Variants in MAP6 observed in about 807,000 individuals in gnomAD.
MAP6 encodes the protein microtubule associated protein 6, also known as microtubule-associated protein 6.
In MAP6, 26 loss-of-function variants were observed where a neutral mutation model predicts 42.4. The observed-to-expected ratio is 0.61, with a 90% CI of 0.45 to 0.85. The LOEUF (loss-of-function observed/expected upper bound fraction) is 0.85, where lower values mean the gene tolerates loss of function less well. Among genes scored for constraint, MAP6 ranks in the 40% least tolerant of loss-of-function variants. The probability of loss-of-function intolerance (pLI) is 0.00; values close to 1 mark genes in which losing one functional copy is unlikely to be tolerated. For missense variants in MAP6, 966 were observed against 1,099.0 expected (o/e 0.88, Z 1.71); for synonymous variants, 418 against 443.8 (o/e 0.94, Z 0.73).
intron 1 of MAP6, among the ~76,000 whole-genome samples, chr11:75,665,165 G>A (rs1024834023): frequency 6.6e-6 from 1 of 152,108 alleles, no homozygotes; most frequent in African/African-American, 2.4e-5. Flanking sequence ...AGCTCCGAGG[G>A]CATAGCCTTC....
chr11:75,658,553 A>C (rs1565281626), intron 1 of MAP6, among the ~76,000 whole-genome samples: 1 of 152,076 alleles, frequency 6.6e-6, no homozygotes, highest in Non-Finnish European at 1.5e-5. Flanking sequence ...TCTCACCTAG[A>C]CTGTAGTTTC....
chr11:75,605,446 T>G, intron 3 of MAP6: 2 of 1,024,564 alleles, frequency 2.0e-6, no homozygotes, highest in Non-Finnish European at 2.3e-6. Context: ...ATCTTGGGGA[T>G]CTGGGAGGAG....
intron 3 of MAP6, chr11:75,602,943 G>A (rs921401387): frequency 1.0e-5 from 10 of 985,804 alleles, no homozygotes; most frequent in Non-Finnish European, 1.2e-5. Context: ...CCACAAGCAC[G>A]TCACAATCAA....
At chr11:75,623,177 C>T (rs962116710) in intron 1 of MAP6, among the ~76,000 whole-genome samples, 4 of 151,884 alleles carry the variant, frequency 2.6e-5, no homozygotes, top group African/African-American at 4.8e-5. Context: ...AAGAAATGAA[C>T]CAATATGGAT....
chr11:75,646,899 T>C (rs1943562924), intron 1 of MAP6, among the ~76,000 whole-genome samples: 1 of 152,102 alleles, frequency 6.6e-6, no homozygotes, highest in African/African-American at 2.4e-5. Context: ...ATTTCTAAAT[T>C]GAGGATTTAT....
chr11:75,651,300 C>T (rs1445206424), intron 1 of MAP6, among the ~76,000 whole-genome samples: 4 of 152,168 alleles, frequency 2.6e-5, no homozygotes, highest in African/African-American at 9.7e-5. Context: ...TGCTAAAAGG[C>T]TCCCCACAGA....
chr11:75,643,152 A>G (rs1331170785), intron 1 of MAP6, among the ~76,000 whole-genome samples: 1 of 151,882 alleles, frequency 6.6e-6, no homozygotes, highest in African/African-American at 2.4e-5. Context: ...TGTGTATTTT[A>G]TTATTATTTG....
At chr11:75,648,526 CAG>C (rs1491053645) in intron 1 of MAP6, among the ~76,000 whole-genome samples, 1 of 151,342 alleles carries the variant, frequency 6.6e-6, no homozygotes, top group Non-Finnish European at 1.5e-5. Flanking sequence ...AACAAACAAA[CAG>C]AAAATTATTG....
chr11:75,587,681 C>T lies in MAP6; in HGVS notation c.1820G>A (p.Gly607Asp), dbSNP rs1942384504. Residue 607 changes from glycine (G) to aspartate (D), a missense_variant, in exon 4 of 4, where the codon GGT becomes GAT. Around this residue, in one of 2 missense-constraint regions of MAP6, gnomAD observed 943 missense variants for 1,049.9 expected, o/e 0.90. Transcript: ENST00000304771. ...CTTGACAGGTGCTGGGACTATGGGA[C>T]CTTGATCCTTGACAGGTGCTGAGAC... ...PMVSAPVKDQ[G>D]PIVPAPVKGE... 1.2e-6 allele frequency: 2 copies of T among 1,613,324 alleles called. No homozygotes were observed. Among genetic ancestry groups the T allele is most frequent in the African/African-American group, 1.3e-5 (1 of 74,910 alleles).
In MAP6 at chr11:75,658,985, C is replaced by T. The variant is rs1040374061; in HGVS notation, c.905+8480G>A. On this transcript the variant is annotated intron_variant, in intron 1 of 3. Transcript: ENST00000304771. ...ACCTGTAACTTTTCAGCACACTTGT[C>T]TCTGTCCAATAACCATAAGACTCCT... Among the ~76,000 whole-genome samples the T allele has an allele frequency of 7.9e-5, 12 of 152,342 alleles. No individual in the cohort carries two copies. In the East Asian group the frequency reaches 1.3e-3, roughly 17 times the overall value.
intron 1 of MAP6, among the ~76,000 whole-genome samples, chr11:75,654,047 T>C (rs1441791565): frequency 3.3e-5 from 5 of 152,194 alleles, no homozygotes; most frequent in South Asian, 2.1e-4. Flanking sequence ...GGAGGTACAA[T>C]AGTAAATAAG....
At position 75,667,946 on chromosome 11, in the gene MAP6, C is replaced by G. The variant is rs773117783; in HGVS notation, c.424G>C (p.Glu142Gln). 1.5e-6 allele frequency: 2 copies of G among 1,345,588 alleles called. No individual in the cohort carries two copies. Among genetic ancestry groups the G allele is most frequent in the Non-Finnish European group, 1.9e-6 (2 of 1,042,586 alleles). 83.4% of individuals were successfully genotyped at this position (1,345,588 alleles called of 1,614,324 possible). A position where few individuals can be genotyped will look rare whatever the true frequency, so the allele number is the denominator to read the frequency against. ...RPEPSCRPRSEYQPSDAPFER... is the reference protein window; with the variant it reads ...RPEPSCRPRSQYQPSDAPFER... The stretch of plus-strand genomic sequence containing the variant: ...AAGGGAGCGTCGGAGGGCTGGTATT[C>G]GCTGCGCGGCCGGCAGCTGGGCTCG... The change falls in exon 1 of 4, where the codon GAA becomes CAA. Residue 142 changes from glutamate (E) to glutamine (Q), a missense_variant. Glu to Gln is a conservative substitution (Grantham distance 29). This residue lies in a region of MAP6 where 943 missense variants were observed against 1,049.9 expected (regional missense o/e 0.90). Transcript: ENST00000304771. This position sits in a 1 kb window ranked among gnomAD's most constrained non-coding sequence, Gnocchi z 5.6.
chr11:75,667,582 G>A lies in MAP6; in HGVS notation c.788C>T (p.Ala263Val). The change falls in exon 1 of 4, where the codon GCG becomes GTG. Residue 263 changes from alanine to valine, a missense_variant. Transcript: ENST00000304771. The surrounding 1 kb of genome is among the most constrained non-coding windows in gnomAD (Gnocchi z 5.6). ...GGTGGCCTGGACCTGGGCCTGGGCC[G>A]CGGGCAGCGGCGTCTGCTCGTGCCC... ...GLGHEQTPLP[A>V]AQAQVQATGP... 4.3e-6 allele frequency: 6 copies of A among 1,395,098 alleles called. No homozygotes were observed. Among genetic ancestry groups the A allele is most frequent in the South Asian group, 1.6e-5 (1 of 63,338 alleles). The allele number at this position is 1,395,098 out of a possible 1,614,324, so 86.4% of individuals were successfully genotyped here. A position where few individuals can be genotyped will look rare whatever the true frequency, so the allele number is the denominator to read the frequency against.
rs182270857 is a variant in MAP6 at position 75,603,675 on chromosome 11, G to A, written c.1316+2133C>T. 78 of 985,196 alleles carry A rather than the reference G, an allele frequency of 7.9e-5. No homozygotes were observed. The African/African-American group carries it at 1.4e-3, about 17-fold the overall frequency. The allele number at this position is 985,196 out of a possible 1,614,324, so 61.0% of individuals were successfully genotyped here. On this transcript the variant is annotated intron_variant, in intron 3 of 3. Coordinates refer to ENST00000304771, the MANE Select transcript of MAP6 (RefSeq NM_033063.2). ...CAACACCAACTTGACTTGGTCATAG[G>A]GATCAAGTCATGTGCACCCTCTGGT...
intron 1 of MAP6, among the ~76,000 whole-genome samples, chr11:75,646,330 CA>C (rs982589726): frequency 6.6e-6 from 1 of 151,894 alleles, no homozygotes; most frequent in African/African-American, 2.4e-5. Flanking sequence ...ATCCTTCAGG[CA>C]AAGGCCATAT....
Position 75,667,516 on chromosome 11 carries a change from A to T in MAP6, c.854T>A (p.Leu285His). ...CACCTCCTCGCGGATTTGCCGGTTG[A>T]GGGCGTCCGCCGCGGCGCGCCCCCT... The part of the protein sequence containing the change: ...AGRGRAAADA[L>H]NRQIREEVAS... Residue 285 changes from leucine (L) to histidine (H), a missense_variant, in exon 1 of 4, where the codon CTC (leucine) becomes CAC (histidine). Around this residue, in one of 2 missense-constraint regions of MAP6, gnomAD observed 943 missense variants for 1,049.9 expected, o/e 0.90. Coordinates refer to ENST00000304771, the MANE Select transcript of MAP6 (RefSeq NM_033063.2). The surrounding 1 kb of genome is among the most constrained non-coding windows in gnomAD (Gnocchi z 5.6). The T allele has an allele frequency of 6.6e-7, 1 of 1,505,432 alleles. No homozygotes were observed. The highest frequency in any genetic ancestry group is 8.8e-7 in the Non-Finnish European group (1 of 1,136,364). 93.3% of individuals were successfully genotyped at this position (1,505,432 alleles called of 1,614,324 possible). A position where few individuals can be genotyped will look rare whatever the true frequency, so the allele number is the denominator to read the frequency against.
Position 75,605,906 on chromosome 11 carries a change from C to A in MAP6, c.1218G>T (p.Gln406His). The A allele has an allele frequency of 6.2e-7, 1 of 1,614,180 alleles. No homozygotes were observed. The highest frequency in any genetic ancestry group is 8.5e-7 in the Non-Finnish European group (1 of 1,180,036). ...CCTCCGCGCTCTTTTTCTTGGCAGC[C>A]TGGCCTGACACCGCCTGCTTGTCTT... Reference protein sequence around the residue: ...KAKDKQAVSGQAAKKKSAEGP... With the variant: ...KAKDKQAVSGHAAKKKSAEGP... The change falls in exon 3 of 4, where the codon CAG (glutamine) becomes CAT (histidine). Residue 406 changes from glutamine to histidine, a missense_variant. Coordinates refer to ENST00000304771, the MANE Select transcript of MAP6 (RefSeq NM_033063.2).
intron 1 of MAP6, among the ~76,000 whole-genome samples, chr11:75,656,110 C>T (rs1287844868): frequency 1.3e-5 from 2 of 152,146 alleles, no homozygotes; most frequent in African/African-American, 4.8e-5. Context: ...TGGTTTAATA[C>T]GGAACAATCC....
intron 1 of MAP6, among the ~76,000 whole-genome samples, chr11:75,612,344 T>G (rs757524429): frequency 1.3e-5 from 2 of 152,212 alleles, no homozygotes; most frequent in Non-Finnish European, 2.9e-5. Context: ...GGATGAGGTG[T>G]CTAGAGTTCA....
Sources: gnomAD v4.1 joint callset for allele counts (sites outside exome capture counted in the v4.1 genomes callset) on GRCh38, gnomAD v4.1.1 for gene constraint, gnomAD v4.1.1 regional missense constraint, Gnocchi (gnomAD v3.1) non-coding constraint, MANE v1.5 for transcripts, NCBI Gene and HGNC (gene_info 2026-07-23, HGNC 2026-07-21) for gene names.